ZNF385D: variants seen among roughly 807,000 people sequenced by gnomAD.
The protein encoded by ZNF385D is zinc finger protein 659.
ZNF385D carries 15 observed loss-of-function variants against 35.8 expected under a neutral mutation model. The ratio of observed to expected loss-of-function variants is 0.42; its 90% confidence interval spans 0.28 to 0.64. ZNF385D has a LOEUF of 0.64. ZNF385D is among the 30% of genes least tolerant of loss of function. The pLI is 0.23. For synonymous variants in ZNF385D, 212 were observed against 186.8 expected, an observed-to-expected ratio of 1.13 and a Z score of -1.10; for missense variants, 474 against 494.6, an observed-to-expected ratio of 0.96 and a Z score of 0.39.
chr3:21,794,558 G>A (rs552857821), intron 3 of ZNF385D, among the ~76,000 whole-genome samples: 86 of 152,202 alleles, frequency 5.7e-4, no homozygotes, highest in Middle Eastern at 3.4e-3. Flanking sequence ...GATATGCGGT[G>A]GGGGCTTGTT....
chr3:21,861,710 C>T (rs1024386893), intron 3 of ZNF385D, among the ~76,000 whole-genome samples: 1 of 152,100 alleles, frequency 6.6e-6, no homozygotes, highest in Non-Finnish European at 1.5e-5. Context: ...TCCCCAGGAG[C>T]AATTCTTTCC....
At chr3:21,745,808 C>T (rs1004927315) in intron 1 of ZNF385D, among the ~76,000 whole-genome samples, 1 of 152,148 alleles carries the variant, frequency 6.6e-6, no homozygotes, top group Non-Finnish European at 1.5e-5. Context: ...AAGCATCATG[C>T]TTTCTTAGGC....
intron 3 of ZNF385D, among the ~76,000 whole-genome samples, chr3:21,856,357 T>C (rs1272342600): frequency 6.6e-6 from 1 of 152,038 alleles, no homozygotes; most frequent in Non-Finnish European, 1.5e-5. Context: ...GTCAATCCCT[T>C]GGCTTTAAAT....
At chr3:22,173,977 T>C (rs997653394) in intron 2 of ZNF385D, among the ~76,000 whole-genome samples, 2 of 151,982 alleles carry the variant, frequency 1.3e-5, no homozygotes, top group African/African-American at 4.8e-5. Flanking sequence ...AACTGATTCC[T>C]TCTATTTATT....
At chr3:21,700,017 A>C (rs1320930829) in intron 1 of ZNF385D, among the ~76,000 whole-genome samples, 1 of 151,706 alleles carries the variant, frequency 6.6e-6, no homozygotes, top group Non-Finnish European at 1.5e-5. Context: ...TTTTTAGTAG[A>C]GACAGGGTTT....
intron 1 of ZNF385D, among the ~76,000 whole-genome samples, chr3:21,736,582 G>T (rs780863246): frequency 6.6e-6 from 1 of 152,194 alleles, no homozygotes; most frequent in Non-Finnish European, 1.5e-5. Flanking sequence ...TACAAAGTGC[G>T]TTCTCCTTGT....
intron 2 of ZNF385D, among the ~76,000 whole-genome samples, chr3:22,225,136 A>G (rs1031540136): frequency 6.6e-6 from 1 of 152,198 alleles, no homozygotes; most frequent in African/African-American, 2.4e-5. Flanking sequence ...ATGTAGTGTT[A>G]ATTTGCTCCC....
chr3:21,590,799 T>A (rs2063952085), intron 2 of ZNF385D, among the ~76,000 whole-genome samples: 1 of 152,126 alleles, frequency 6.6e-6, no homozygotes, highest in South Asian at 2.1e-4. Context: ...CAAATTAATC[T>A]CATTTCCATT....
chr3:21,596,462 C>A (rs555924165), intron 2 of ZNF385D, among the ~76,000 whole-genome samples: 2 of 152,120 alleles, frequency 1.3e-5, no homozygotes, highest in East Asian at 3.9e-4. Flanking sequence ...CAAATATATT[C>A]TCATTTTTTG....
At chr3:22,044,721 G>A (rs930044723) in intron 3 of ZNF385D, among the ~76,000 whole-genome samples, 7 of 152,032 alleles carry the variant, frequency 4.6e-5, no homozygotes, top group South Asian at 2.1e-4. Flanking sequence ...AAGGTGGAGA[G>A]AATGGATACA....
intron 3 of ZNF385D, among the ~76,000 whole-genome samples, chr3:21,860,795 A>T (rs888012557): frequency 2.6e-5 from 4 of 152,170 alleles, no homozygotes; most frequent in Non-Finnish European, 5.9e-5. Context: ...GAAGGCCAGG[A>T]TAAGGAATCT....
intron 2 of ZNF385D, among the ~76,000 whole-genome samples, chr3:21,573,711 A>G (rs1246898316): frequency 8.0e-6 from 1 of 125,640 alleles, no homozygotes; most frequent in African/African-American, 3.1e-5. Context: ...AGAATTACAC[A>G]TGCCTAGTCA....
intron 3 of ZNF385D, among the ~76,000 whole-genome samples, chr3:22,120,750 C>G (rs1246453917): frequency 6.6e-6 from 1 of 152,138 alleles, no homozygotes; most frequent in Non-Finnish European, 1.5e-5. Flanking sequence ...ACAAAAACCT[C>G]TATGAGGCAG....
At chr3:22,281,644 AT>A (rs368480797) in intron 2 of ZNF385D, among the ~76,000 whole-genome samples, 133 of 148,052 alleles carry the variant, frequency 9.0e-4, no homozygotes, top group African/African-American at 3.0e-3. Context: ...GTTAGCTAGC[AT>A]TTTTTTTTTG....
intron 3 of ZNF385D, among the ~76,000 whole-genome samples, chr3:22,005,072 A>C (rs1436246728): frequency 6.7e-6 from 1 of 149,990 alleles, no homozygotes; most frequent in Non-Finnish European, 1.5e-5. Flanking sequence ...AAAAAAAAAA[A>C]AAAAAAAAAA....
At chr3:22,100,079 A>G (rs1177155932) in intron 3 of ZNF385D, among the ~76,000 whole-genome samples, 1 of 150,920 alleles carries the variant, frequency 6.6e-6, no homozygotes, top group Non-Finnish European at 1.5e-5. Flanking sequence ...AACACATGAA[A>G]AAATGCTCAC....
chr3:21,727,515 A>C (rs2068817963), intron 1 of ZNF385D, among the ~76,000 whole-genome samples: 1 of 152,256 alleles, frequency 6.6e-6, no homozygotes, highest in Non-Finnish European at 1.5e-5. Context: ...AAAGGATATG[A>C]ACAGACACTT....
intron 3 of ZNF385D, among the ~76,000 whole-genome samples, chr3:22,132,276 G>C (rs534506235): frequency 6.6e-6 from 1 of 152,060 alleles, no homozygotes; most frequent in Admixed American, 6.6e-5. Flanking sequence ...TAACATATGA[G>C]AACACATGAA....
At chr3:21,739,213 T>C (rs1431067458) in intron 1 of ZNF385D, among the ~76,000 whole-genome samples, 2 of 152,176 alleles carry the variant, frequency 1.3e-5, no homozygotes, top group Non-Finnish European at 2.9e-5. Context: ...GTCACTTGCA[T>C]CAGAGACAGA....
Sources: allele counts gnomAD v4.1 joint callset (sites outside exome capture counted in the v4.1 genomes callset), GRCh38; gene constraint gnomAD v4.1.1; transcripts MANE v1.5; gene names NCBI Gene and HGNC (gene_info 2026-07-23, HGNC 2026-07-21).